The following SCML4 variants were observed in gnomAD, a reference collection of about 807,000 sequenced individuals.
SCML4 encodes Scm polycomb group protein like 4, also known as sex comb on midleg-like protein 4.
In SCML4, 34 loss-of-function variants were observed where a neutral mutation model predicts 41.1. That is an observed-to-expected ratio of 0.83 (90% CI 0.63 to 1.10). The LOEUF is 1.10. Among genes scored for constraint, SCML4 ranks in the 50% least tolerant of loss-of-function variants. The probability of loss-of-function intolerance (pLI) is 0.00; values close to 1 mark genes in which losing one functional copy is unlikely to be tolerated. For synonymous variants in SCML4, 214 were observed against 220.9 expected (o/e 0.97, Z 0.28); for missense variants, 522 against 534.1 (o/e 0.98, Z 0.22).
chr6:107,782,502 G>A (rs1781584633), intron 1 of SCML4, among the ~76,000 whole-genome samples: 1 of 152,254 alleles, frequency 6.6e-6, no homozygotes, highest in Admixed American at 6.5e-5. Context: ...CGGCACTGTG[G>A]AGATTGCACG....
intron 1 of SCML4, among the ~76,000 whole-genome samples, chr6:107,796,639 A>T (rs1354585839): frequency 6.6e-6 from 1 of 152,160 alleles, no homozygotes; most frequent in Non-Finnish European, 1.5e-5. Flanking sequence ...AAAAGTTTTA[A>T]ATGTTTGAAG....
intron 1 of SCML4, among the ~76,000 whole-genome samples, chr6:107,816,441 G>C (rs377244067): frequency 1.3e-5 from 2 of 152,160 alleles, no homozygotes; most frequent in African/African-American, 4.8e-5. Context: ...ACTTGCCCTA[G>C]GTCACACTGG....
intron 7 of SCML4, among the ~76,000 whole-genome samples, chr6:107,707,179 T>C (rs965346755): frequency 1.4e-5 from 2 of 145,994 alleles, no homozygotes; most frequent in Non-Finnish European, 3.0e-5. Context: ...TGGGTGCCTG[T>C]AATCCCAGCT....
chr6:107,763,618 C>T (rs1211785674), intron 2 of SCML4, among the ~76,000 whole-genome samples: 1 of 152,110 alleles, frequency 6.6e-6, no homozygotes, highest in Non-Finnish European at 1.5e-5. Context: ...AACTCCTGAC[C>T]TCAAGTGATC....
At position 107,787,779 on chromosome 6, in the gene SCML4, G is replaced by A. The variant is rs368328006; in HGVS notation, c.-59-15393C>T. 5.2e-4 allele frequency among the ~76,000 whole-genome samples: 79 copies of A among 152,334 alleles called. No individual in the cohort carries two copies. The South Asian group carries it at 0.015, about 29-fold the overall frequency. On this transcript the variant is annotated intron_variant, in intron 1 of 7. Transcript: ENST00000369020. Reference sequence around the variant, plus strand: ...GAATCCATTCACCAGTCTTGCGGGGGTGGGGTTGTGAATTCTTCAAGGAAT... The same window carrying A: ...GAATCCATTCACCAGTCTTGCGGGGATGGGGTTGTGAATTCTTCAAGGAAT...
At chr6:107,838,659 C>G in the SCML4 span, among the ~76,000 whole-genome samples, 1 of 152,082 alleles carries the variant, frequency 6.6e-6, no homozygotes, top group Non-Finnish European at 1.5e-5. Context: ...TGAGGTATCT[C>G]CCCAGATGGA....
At chr6:107,836,680 C>G in the SCML4 span, among the ~76,000 whole-genome samples, 1 of 152,118 alleles carries the variant, frequency 6.6e-6, no homozygotes, top group Admixed American at 6.5e-5. Flanking sequence ...TAATGCATCT[C>G]TTAATTAATA....
At chr6:107,794,511 T>A (rs1300937710) in intron 1 of SCML4, among the ~76,000 whole-genome samples, 4 of 152,208 alleles carry the variant, frequency 2.6e-5, no homozygotes, top group Non-Finnish European at 4.4e-5. Context: ...CACTTGTATG[T>A]TATCCAAACT....
intron 1 of SCML4, among the ~76,000 whole-genome samples, chr6:107,784,367 A>G (rs1165316337): frequency 1.3e-5 from 2 of 152,258 alleles, no homozygotes; most frequent in African/African-American, 4.8e-5. Flanking sequence ...AATCATGGAT[A>G]AAAGAAATGA....
At chr6:107,722,941 G>A (rs1383740453) in intron 5 of SCML4, among the ~76,000 whole-genome samples, 1 of 152,026 alleles carries the variant, frequency 6.6e-6, no homozygotes, top group Non-Finnish European at 1.5e-5. Flanking sequence ...TAATTCAATA[G>A]AGAATTTTAA....
At chr6:107,808,173 G>A (rs1169218108) in intron 1 of SCML4, among the ~76,000 whole-genome samples, 1 of 151,972 alleles carries the variant, frequency 6.6e-6, no homozygotes, top group Non-Finnish European at 1.5e-5. Flanking sequence ...AGCCAAAGGG[G>A]GAAAAAACCT....
Position 107,778,223 on chromosome 6 carries a change from ATATATATATATATATATATAT to A in SCML4, c.-59-5858_-59-5838del, listed in dbSNP as rs1226872717. Among the ~76,000 whole-genome samples the A allele has an allele frequency of 3.2e-3, 10 of 3,140 alleles. 1 individual carries two copies. Among genetic ancestry groups the A allele is most frequent in the Non-Finnish European group, 4.2e-3 (4 of 950 alleles). The allele number at this position is 3,140 out of a possible 152,430, so 2.1% of individuals were successfully genotyped here. A position where few individuals can be genotyped will look rare whatever the true frequency, so the allele number is the denominator to read the frequency against. On this transcript the variant is annotated intron_variant, in intron 1 of 7. Coordinates refer to ENST00000369020, the MANE Select transcript of SCML4 (RefSeq NM_198081.5). Reference sequence around the variant, plus strand: ...AAAAAAAAAAAAAAAAAAAAAAAAAATATATATATATATATATATATATATATATATATATATATATAACTT... The same window carrying A: ...AAAAAAAAAAAAAAAAAAAAAAAAAAATATATATATATATATATATAACTT...
intron 1 of SCML4, among the ~76,000 whole-genome samples, chr6:107,818,933 G>A (rs6568505): frequency 0.21 from 31,879 of 152,136 alleles, 3,969 homozygotes; most frequent in African/African-American, 0.34. Context: ...ACTCCTTAGT[G>A]TTCAACCCTG....
intron 1 of SCML4, among the ~76,000 whole-genome samples, chr6:107,787,466 T>C (rs543002744): frequency 7.2e-5 from 11 of 152,236 alleles, no homozygotes; most frequent in East Asian, 1.9e-4. Flanking sequence ...CACACACACA[T>C]ATATATATAT....
chr6:107,794,114 A>G (rs1459549963), intron 1 of SCML4, among the ~76,000 whole-genome samples: 1 of 152,188 alleles, frequency 6.6e-6, no homozygotes, highest in Non-Finnish European at 1.5e-5. Context: ...TTTGCTATGG[A>G]CCCAAGGGGC....
At chr6:107,834,321 G>T in the SCML4 span, among the ~76,000 whole-genome samples, 1 of 152,166 alleles carries the variant, frequency 6.6e-6, no homozygotes, top group Admixed American at 6.5e-5. Flanking sequence ...TGATCTCAAG[G>T]ACATAGGCAC....
chr6:107,844,582 C>T, the SCML4 span, among the ~76,000 whole-genome samples: 1 of 151,836 alleles, frequency 6.6e-6, no homozygotes, highest in African/African-American at 2.4e-5. Flanking sequence ...GCCTGTAGTC[C>T]CAGCTACTTG....
At chr6:107,832,018 G>C in the SCML4 span, among the ~76,000 whole-genome samples, 1 of 148,578 alleles carries the variant, frequency 6.7e-6, no homozygotes, top group African/African-American at 2.5e-5. Context: ...AGCCGAGATC[G>C]AGCCACTGCA....
chr6:107,751,043 C>A (rs541595538), intron 2 of SCML4, among the ~76,000 whole-genome samples: 3 of 152,286 alleles, frequency 2.0e-5, no homozygotes, highest in Admixed American at 6.5e-5. Context: ...TACCAAGAGC[C>A]TATTTCATGC....
Sources: allele counts gnomAD v4.1 joint callset (sites outside exome capture counted in the v4.1 genomes callset), GRCh38; gene constraint gnomAD v4.1.1; transcripts MANE v1.5; gene names NCBI Gene and HGNC (gene_info 2026-07-23, HGNC 2026-07-21).